ZNF704: variants seen among roughly 807,000 people sequenced by gnomAD.
ZNF704 encodes the protein glucocorticoid induced gene 1.
ZNF704 carries 10 observed loss-of-function variants against 44.7 expected under a neutral mutation model. That is an observed-to-expected ratio of 0.22 (90% CI 0.14 to 0.38). The LOEUF is 0.38. Ranked by LOEUF, ZNF704 falls within the 10% of genes least tolerant of loss-of-function variation. ZNF704 has a pLI of 1.00. For missense variants in ZNF704, 390 were observed against 545.5 expected (o/e 0.71, Z 2.84); for synonymous variants, 211 against 207.6 (o/e 1.02, Z -0.14).
At chr8:80,819,640 A>G (rs1201733253) in intron 2 of ZNF704, among the ~76,000 whole-genome samples, 1 of 152,126 alleles carries the variant, frequency 6.6e-6, no homozygotes, top group East Asian at 1.9e-4. Context: ...ACAAATTGAG[A>G]TGCCTATGAG....
intron 2 of ZNF704, among the ~76,000 whole-genome samples, chr8:80,737,157 T>C (rs143091793): frequency 1.3e-5 from 2 of 152,370 alleles, no homozygotes; most frequent in East Asian, 1.9e-4. Context: ...TCTACTTACA[T>C]ATAACAGATC....
At chr8:80,733,325 C>T (rs1199451505) in intron 2 of ZNF704, among the ~76,000 whole-genome samples, 2 of 152,128 alleles carry the variant, frequency 1.3e-5, no homozygotes, top group Non-Finnish European at 2.9e-5. Context: ...GCCTTATCTC[C>T]TCATGATCCT....
intron 2 of ZNF704, among the ~76,000 whole-genome samples, chr8:80,813,214 G>A (rs894491976): frequency 1.3e-5 from 2 of 152,164 alleles, no homozygotes; most frequent in African/African-American, 4.8e-5. Flanking sequence ...TACAAAGAAG[G>A]ACATTTACTA....
At chr8:80,818,467 T>C (rs1363257355) in intron 2 of ZNF704, among the ~76,000 whole-genome samples, 1 of 152,202 alleles carries the variant, frequency 6.6e-6, no homozygotes, top group Admixed American at 6.5e-5. Context: ...AATGCCATAG[T>C]ATTTAAATAT....
intron 2 of ZNF704, among the ~76,000 whole-genome samples, chr8:80,805,567 CT>C (rs1807975999): frequency 1.3e-5 from 2 of 152,126 alleles, no homozygotes; most frequent in East Asian, 1.9e-4. Flanking sequence ...AACTAGATAT[CT>C]TTTTTTCACT....
chr8:80,757,818 G>C (rs1807062393), intron 2 of ZNF704, among the ~76,000 whole-genome samples: 1 of 152,218 alleles, frequency 6.6e-6, no homozygotes. Context: ...CGCTGTACAA[G>C]TTTGTAGCCT....
At chr8:80,762,206 C>A (rs536985171) in intron 2 of ZNF704, among the ~76,000 whole-genome samples, 1 of 152,252 alleles carries the variant, frequency 6.6e-6, no homozygotes, top group East Asian at 1.9e-4. Context: ...CATCACATAG[C>A]AAATTGATAC....
At position 80,797,447 on chromosome 8, in the gene ZNF704, C is replaced by T. The variant is rs562227207; in HGVS notation, c.221+23927G>A. On this transcript the variant is annotated intron_variant, in intron 2 of 8. Coordinates refer to ENST00000327835, the MANE Select transcript of ZNF704 (RefSeq NM_001033723.3). ...TTCTTTGAAATCTAGGTGAAAGCTG[C>T]TGTGCCTCCATATCTCTTGCATTCT... Among the ~76,000 whole-genome samples the T allele has an allele frequency of 2.6e-5, 4 of 152,328 alleles. 1 individual carries two copies. Among genetic ancestry groups the T allele is most frequent in the Non-Finnish European group, 5.9e-5 (4 of 68,026 alleles).
intron 1 of ZNF704, among the ~76,000 whole-genome samples, chr8:80,840,176 A>T (rs1436625241): frequency 6.6e-6 from 1 of 152,226 alleles, no homozygotes; most frequent in African/African-American, 2.4e-5. Flanking sequence ...GACAGAAGAG[A>T]TTGCTACCCC....
intron 8 of ZNF704, among the ~76,000 whole-genome samples, chr8:80,641,816 G>A (rs1409399557): frequency 1.2e-4 from 18 of 152,108 alleles, no homozygotes; most frequent in Non-Finnish European, 1.8e-4. Context: ...AGCCAAGATC[G>A]CGCTGCACTC....
chr8:80,875,949 T>G (rs535237060), upstream of ZNF704, among the ~76,000 whole-genome samples: 55 of 152,306 alleles, frequency 3.6e-4, no homozygotes, highest in African/African-American at 1.1e-3. Flanking sequence ...GAGCCCAAAA[T>G]AGCGGTATCA....
At chr8:80,809,455 A>G (rs1226780509) in intron 2 of ZNF704, among the ~76,000 whole-genome samples, 1 of 152,230 alleles carries the variant, frequency 6.6e-6, no homozygotes, top group Admixed American at 6.5e-5. Context: ...TGAGATGAAT[A>G]CTATTTTGGG....
intron 2 of ZNF704, among the ~76,000 whole-genome samples, chr8:80,707,881 G>A (rs150283875): frequency 3.3e-5 from 5 of 152,264 alleles, no homozygotes; most frequent in African/African-American, 9.6e-5. Flanking sequence ...ATTGCTTTAC[G>A]CAGAATTCCT....
chr8:80,725,704 G>A (rs1197833633), intron 2 of ZNF704, among the ~76,000 whole-genome samples: 2 of 152,132 alleles, frequency 1.3e-5, no homozygotes, highest in Admixed American at 1.3e-4. Flanking sequence ...ATGAAAAATA[G>A]ACTGTACATA....
chr8:80,860,028 G>T (rs1194146899), intron 1 of ZNF704, among the ~76,000 whole-genome samples: 2 of 152,212 alleles, frequency 1.3e-5, no homozygotes, highest in Non-Finnish European at 2.9e-5. Flanking sequence ...TCCCAAGACA[G>T]TGTGGGGCAA....
chr8:80,653,568 C>T (rs1225397869), intron 7 of ZNF704, among the ~76,000 whole-genome samples: 2 of 152,172 alleles, frequency 1.3e-5, no homozygotes, highest in Non-Finnish European at 2.9e-5. Flanking sequence ...AGAGCCAAAT[C>T]ATGAGTGAAC....
chr8:80,673,634 G>C (rs1472281645), intron 4 of ZNF704, among the ~76,000 whole-genome samples: 1 of 152,186 alleles, frequency 6.6e-6, no homozygotes, highest in Non-Finnish European at 1.5e-5. Context: ...CGACTCATCA[G>C]CTATTACTGA....
intron 7 of ZNF704, among the ~76,000 whole-genome samples, chr8:80,645,403 CTT>C (rs1164149966): frequency 6.6e-6 from 1 of 152,174 alleles, no homozygotes; most frequent in Non-Finnish European, 1.5e-5. Flanking sequence ...AGTACTTTCT[CTT>C]CTCTTTCAAC....
At chr8:80,842,619 T>C (rs1233822946) in intron 1 of ZNF704, among the ~76,000 whole-genome samples, 3 of 151,708 alleles carry the variant, frequency 2.0e-5, no homozygotes, top group East Asian at 1.9e-4. Flanking sequence ...CATAAGAAAA[T>C]AGAAATAGTG....
Sources: gnomAD v4.1 joint callset for allele counts (sites outside exome capture counted in the v4.1 genomes callset) on GRCh38, gnomAD v4.1.1 for gene constraint, MANE v1.5 for transcripts, NCBI Gene and HGNC (gene_info 2026-07-23, HGNC 2026-07-21) for gene names.